The following TBC1D32 variants were observed in gnomAD, a reference collection of about 807,000 sequenced individuals.
The protein encoded by TBC1D32 is protein broad-minded.
A neutral mutation model predicts 170.3 loss-of-function variants in TBC1D32; 151 were observed. The ratio of observed to expected loss-of-function variants is 0.89; its 90% CI spans 0.78 to 1.01. The LOEUF (loss-of-function observed/expected upper bound fraction) is 1.01. TBC1D32 is among the 50% of genes least tolerant of loss of function. TBC1D32 has a pLI of 0.00. For synonymous variants in TBC1D32, 498 were observed against 488.0 expected (o/e 1.02, Z -0.27); for missense variants, 1,464 against 1,457.1 (o/e 1.00, Z -0.08).
chr6:121,251,912 AAAG>A (rs1213997909), intron 17 of TBC1D32, among the ~76,000 whole-genome samples: 1 of 152,188 alleles, frequency 6.6e-6, no homozygotes, highest in African/African-American at 2.4e-5. Flanking sequence ...ACACTTCTGA[AAAG>A]AAGACAGCCA....
intron 22 of TBC1D32, among the ~76,000 whole-genome samples, chr6:121,194,793 C>T (rs991306575): frequency 1.3e-5 from 2 of 152,198 alleles, no homozygotes; most frequent in African/African-American, 4.8e-5. Flanking sequence ...AACTTGATTG[C>T]TTTTTGTTTC....
At chr6:121,193,428 C>A (rs756379225) in intron 22 of TBC1D32, among the ~76,000 whole-genome samples, 36 of 152,190 alleles carry the variant, frequency 2.4e-4, no homozygotes, top group Non-Finnish European at 4.3e-4. Context: ...CACCCTTGAC[C>A]ACTGCCTTGT....
chr6:121,208,101 C>A (rs1220513463), intron 21 of TBC1D32, among the ~76,000 whole-genome samples: 9 of 148,774 alleles, frequency 6.0e-5, no homozygotes, highest in African/African-American at 1.3e-4. Flanking sequence ...ACCCCTCACA[C>A]ACACACCAAA....
At chr6:121,085,246 C>CGT (rs1369116279) in intron 31 of TBC1D32, among the ~76,000 whole-genome samples, 3 of 117,972 alleles carry the variant, frequency 2.5e-5, no homozygotes, top group African/African-American at 8.6e-5. Context: ...CATATACATA[C>CGT]GTATATATAT....
At chr6:121,103,499 C>T (rs1470455718) in intron 30 of TBC1D32, among the ~76,000 whole-genome samples, 2 of 147,374 alleles carry the variant, frequency 1.4e-5, no homozygotes, top group Admixed American at 7.0e-5. Context: ...AAACCAAACA[C>T]TGCATGTTCT....
At chr6:121,248,669 T>C (rs888715700) in intron 17 of TBC1D32, among the ~76,000 whole-genome samples, 3 of 151,934 alleles carry the variant, frequency 2.0e-5, no homozygotes, top group Admixed American at 2.0e-4. Context: ...AAGGCTACTA[T>C]GAACACCTTT....
chr6:121,220,332 T>C (rs562140779), intron 21 of TBC1D32, among the ~76,000 whole-genome samples: 89 of 152,164 alleles, frequency 5.8e-4, no homozygotes, highest in Admixed American at 2.4e-3. Context: ...AACTTATTAC[T>C]GATATGAAGA....
intron 30 of TBC1D32, among the ~76,000 whole-genome samples, chr6:121,092,358 G>A (rs1776915377): frequency 9.3e-6 from 1 of 107,856 alleles, no homozygotes; most frequent in African/African-American, 3.6e-5. Flanking sequence ...AAGATTTAAT[G>A]GCTTATCTCA....
intron 24 of TBC1D32, among the ~76,000 whole-genome samples, chr6:121,151,589 T>A (rs1354140331): frequency 6.6e-6 from 1 of 152,214 alleles, no homozygotes; most frequent in Admixed American, 6.5e-5. Flanking sequence ...CTGTCTAATA[T>A]TGACAGTAGG....
At chr6:121,151,686 T>G (rs1421847087) in intron 24 of TBC1D32, among the ~76,000 whole-genome samples, 1 of 152,210 alleles carries the variant, frequency 6.6e-6, no homozygotes, top group African/African-American at 2.4e-5. Flanking sequence ...TAGGTGCTCT[T>G]GTATTGGGTG....
intron 24 of TBC1D32, among the ~76,000 whole-genome samples, chr6:121,155,580 T>C (rs1297284759): frequency 2.0e-5 from 3 of 152,114 alleles, no homozygotes; most frequent in African/African-American, 7.2e-5. Context: ...TTTTTTCAGT[T>C]CTCAAAGGGA....
At chr6:121,121,435 C>T (rs777716006) in intron 26 of TBC1D32, among the ~76,000 whole-genome samples, 13 of 152,024 alleles carry the variant, frequency 8.6e-5, no homozygotes, top group Non-Finnish European at 1.3e-4. Flanking sequence ...AATCATATCA[C>T]CCTTACAGGA....
chr6:121,266,244 A>G (rs1171159185), intron 15 of TBC1D32, among the ~76,000 whole-genome samples: 2 of 152,202 alleles, frequency 1.3e-5, no homozygotes, highest in East Asian at 3.9e-4. Flanking sequence ...AAGCAACCCC[A>G]TCAAAAAGTA....
At chr6:121,196,834 T>C (rs1790802487) in intron 22 of TBC1D32, among the ~76,000 whole-genome samples, 1 of 152,114 alleles carries the variant, frequency 6.6e-6, no homozygotes, top group East Asian at 1.9e-4. Context: ...TATGATACTG[T>C]TTTTGCCATA....
At chr6:121,131,947 A>G (rs1353601023) in intron 24 of TBC1D32, among the ~76,000 whole-genome samples, 195 bp from the exon 25 acceptor site, 2 of 152,014 alleles carry the variant, frequency 1.3e-5, no homozygotes, top group Non-Finnish European at 2.9e-5. Flanking sequence ...ACAACAATGA[A>G]TTACTGAATT....
chr6:121,216,605 A>C (rs2128319677), intron 21 of TBC1D32, among the ~76,000 whole-genome samples: 1 of 152,264 alleles, frequency 6.6e-6, no homozygotes, highest in South Asian at 2.1e-4. Flanking sequence ...AATGCATTTG[A>C]CACTCCTGAT....
intron 22 of TBC1D32, among the ~76,000 whole-genome samples, chr6:121,168,526 C>T (rs1259138199): frequency 1.6e-5 from 1 of 62,054 alleles, no homozygotes; most frequent in African/African-American, 5.0e-5. Flanking sequence ...ATCACATGGA[C>T]ACAGGAAGGG....
chr6:121,084,825 T>C (rs76746352), intron 31 of TBC1D32, among the ~76,000 whole-genome samples: 2,661 of 152,184 alleles, frequency 0.017, 79 homozygotes, highest in African/African-American at 0.061. Flanking sequence ...TATACCCTGG[T>C]TTATGAATTC....
At chr6:121,305,695 A>C (rs1472034615) in intron 5 of TBC1D32, among the ~76,000 whole-genome samples, 1 of 152,032 alleles carries the variant, frequency 6.6e-6, no homozygotes, top group Non-Finnish European at 1.5e-5. Flanking sequence ...AGTTGCAGCA[A>C]CTGATAGGTA....
Sources: gnomAD v4.1 joint callset for allele counts (sites outside exome capture counted in the v4.1 genomes callset) on GRCh38, gnomAD v4.1.1 for gene constraint, MANE v1.5 for transcripts, NCBI Gene and HGNC (gene_info 2026-07-23, HGNC 2026-07-21) for gene names.